Variants in CBLB observed in about 807,000 individuals in gnomAD.
CBLB encodes Cbl proto-oncogene B.
In CBLB, 31 loss-of-function variants were observed where a neutral mutation model predicts 104.9. The observed-to-expected ratio is 0.30, with a 90% CI of 0.22 to 0.40. The LOEUF is 0.40. CBLB is among the 10% of genes least tolerant of loss of function. The pLI is 1.00. For synonymous variants in CBLB, 440 were observed against 422.6 expected (o/e 1.04, Z -0.51); for missense variants, 1,062 against 1,214.6 (o/e 0.87, Z 1.87).
upstream of CBLB, chr3:105,869,245 G>A (rs1706755722): frequency 4.3e-6 from 3 of 696,308 alleles, no homozygotes; most frequent in Non-Finnish European, 7.0e-6. Flanking sequence ...AATTGGACTC[G>A]GAGAGAAATG....
intron 12 of CBLB, among the ~76,000 whole-genome samples, chr3:105,698,970 A>G (rs753372019): frequency 6.6e-5 from 10 of 152,108 alleles, no homozygotes; most frequent in Non-Finnish European, 2.9e-5. Context: ...AACTCCTTGC[A>G]TATCACAGCC....
At chr3:105,847,392 C>CA (rs1553857958) in intron 3 of CBLB, among the ~76,000 whole-genome samples, 1 of 143,436 alleles carries the variant, frequency 7.0e-6, no homozygotes, top group African/African-American at 2.6e-5. Context: ...TAACCCTCCA[C>CA]CACACACACA....
intron 3 of CBLB, among the ~76,000 whole-genome samples, chr3:105,823,257 A>G (rs2086125602): frequency 6.6e-6 from 1 of 152,186 alleles, no homozygotes; most frequent in South Asian, 2.1e-4. Context: ...TCTGACAAAT[A>G]AAACCACACA....
chr3:105,856,348 CAAAAAAAAA>C lies in CBLB; in HGVS notation c.169-2693_169-2685del, dbSNP rs1169479720. 1.0e-3 allele frequency among the ~76,000 whole-genome samples: 32 copies of C among 31,104 alleles called. No individual in the cohort carries two copies. In the South Asian group the frequency reaches 0.025, roughly 24 times the overall value. 20.4% of individuals were successfully genotyped at this position (31,104 alleles called of 152,430 possible). A position where few individuals can be genotyped will look rare whatever the true frequency, so the allele number is the denominator to read the frequency against. ...TGGACAAGAAAGCAAGACTCCATCTCAAAAAAAAAAAAAAAAAAAAGAAAAGGAAAAAAA... is the reference window on the plus strand; with the variant it reads ...TGGACAAGAAAGCAAGACTCCATCTCAAAAAAAAAAAGAAAAGGAAAAAAA... On this transcript the variant is annotated intron_variant, in intron 2 of 18. Coordinates refer to ENST00000394030, the MANE Select transcript of CBLB (RefSeq NM_170662.5).
chr3:105,717,334 A>G (rs915385236), intron 10 of CBLB, among the ~76,000 whole-genome samples: 1 of 152,184 alleles, frequency 6.6e-6, no homozygotes, highest in African/African-American at 2.4e-5. Context: ...TTGTATCTCA[A>G]ATACTTTTCT....
Position 105,772,866 on chromosome 3 carries a change from G to A in CBLB, c.566+3530C>T, listed in dbSNP as rs550287843. On this transcript the variant is annotated intron_variant, in intron 4 of 18. Coordinates refer to ENST00000394030, the MANE Select transcript of CBLB (RefSeq NM_170662.5). ...ACCATAATTAAAAACAATAGATGTT[G>A]TTAAACATCTTTAAAAACAATAGAT... 2.0e-5 allele frequency among the ~76,000 whole-genome samples: 3 copies of A among 152,250 alleles called. No individual in the cohort carries two copies. The East Asian group carries it at 5.8e-4, about 29-fold the overall frequency.
intron 3 of CBLB, among the ~76,000 whole-genome samples, chr3:105,815,300 G>A (rs1235079978): frequency 2.0e-5 from 3 of 152,124 alleles, no homozygotes; most frequent in Non-Finnish European, 4.4e-5. Context: ...CTTTTAGAAT[G>A]TAGTAGTGAA....
At chr3:105,715,945 A>T (rs187831442) in intron 10 of CBLB, among the ~76,000 whole-genome samples, 120 of 152,332 alleles carry the variant, frequency 7.9e-4, no homozygotes, top group Non-Finnish European at 4.7e-4. Context: ...AGGCTGAGAC[A>T]GAAAAATCAC....
At chr3:105,748,535 C>T (rs897965694) in intron 5 of CBLB, among the ~76,000 whole-genome samples, 3 of 152,088 alleles carry the variant, frequency 2.0e-5, no homozygotes, top group East Asian at 1.9e-4. Flanking sequence ...GGAACAACAG[C>T]CCCAGGGAGA....
At chr3:105,775,378 A>C (rs544657680) in intron 4 of CBLB, among the ~76,000 whole-genome samples, 1 of 148,678 alleles carries the variant, frequency 6.7e-6, no homozygotes, top group African/African-American at 2.5e-5. Context: ...CAAAAACAAA[A>C]ACAAAAACAA....
intron 3 of CBLB, among the ~76,000 whole-genome samples, chr3:105,786,061 C>CGGGA (rs1553794622): frequency 3.8e-5 from 3 of 79,200 alleles, no homozygotes; most frequent in African/African-American, 1.3e-4. Context: ...GTGAGAGGAT[C>CGGGA]GGGGGGGGGA....
intron 4 of CBLB, chr3:105,762,529 G>C (rs1276844127): frequency 1.3e-5 from 2 of 152,342 alleles, no homozygotes; most frequent in African/African-American, 4.8e-5. Flanking sequence ...TTTTATTTCA[G>C]AGGGTGCAAG....
intron 9 of CBLB, among the ~76,000 whole-genome samples, chr3:105,724,649 T>C (rs2073349651): frequency 6.6e-6 from 1 of 152,098 alleles, no homozygotes; most frequent in South Asian, 2.1e-4. Context: ...TTGAAAAAAC[T>C]CGTATCTCTA....
Position 105,853,601 on chromosome 3 carries a change from A to C in CBLB, c.232T>G (p.Leu78Val). 1 of 1,611,484 alleles carries C rather than the reference A, an allele frequency of 6.2e-7. No homozygotes were observed. The highest frequency in any genetic ancestry group is 8.5e-7 in the Non-Finnish European group (1 of 1,178,028). The change falls in exon 3 of 19, where the codon TTG becomes GTG. Residue 78 changes from leucine to valine, a missense_variant. Physicochemically the swap from Leu to Val is conservative, Grantham distance 32 (BLOSUM62 1). This residue lies in a region of CBLB where 457 missense variants were observed against 632.0 expected (regional missense o/e 0.72). Coordinates refer to ENST00000394030, the MANE Select transcript of CBLB (RefSeq NM_170662.5). The stretch of plus-strand genomic sequence containing the variant: ...CGTAAATGCTGATATGTATCAGGCA[A>C]AATATCAAGTATATATGGTGGGCTA... Reference protein sequence around the residue: ...KNSPPYILDILPDTYQHLRLI... With the variant: ...KNSPPYILDIVPDTYQHLRLI...
At chr3:105,785,088 T>C (rs184020733) in intron 3 of CBLB, among the ~76,000 whole-genome samples, 16 of 152,344 alleles carry the variant, frequency 1.1e-4, no homozygotes, top group African/African-American at 3.4e-4. Flanking sequence ...CCATGGTTAT[T>C]TTACATAGAT....
intron 5 of CBLB, among the ~76,000 whole-genome samples, chr3:105,747,987 C>G (rs988496474): frequency 2.0e-5 from 3 of 152,126 alleles, no homozygotes; most frequent in African/African-American, 7.2e-5. Flanking sequence ...TAGAATGAGT[C>G]TGTGTATTGT....
intron 4 of CBLB, among the ~76,000 whole-genome samples, chr3:105,759,407 C>T (rs745468960): frequency 3.3e-5 from 5 of 152,204 alleles, no homozygotes; most frequent in African/African-American, 4.8e-5. Flanking sequence ...GGTAGGGCTT[C>T]AATGGGGACC....
At chr3:105,818,868 T>TCCTATATA (rs2085428450) in intron 3 of CBLB, among the ~76,000 whole-genome samples, 1 of 151,164 alleles carries the variant, frequency 6.6e-6, no homozygotes, top group Non-Finnish European at 1.5e-5. Context: ...TATAGAAAAA[T>TCCTATATA]GAAAGTCTAG....
chr3:105,697,974 T>C (rs2068597113), intron 12 of CBLB, among the ~76,000 whole-genome samples: 3 of 152,048 alleles, frequency 2.0e-5, no homozygotes, highest in African/African-American at 4.8e-5. Flanking sequence ...ACAATAAATA[T>C]CTAGCCAACA....
Sources: gnomAD v4.1 joint callset for allele counts (sites outside exome capture counted in the v4.1 genomes callset) on GRCh38, gnomAD v4.1.1 for gene constraint, gnomAD v4.1.1 regional missense constraint, MANE v1.5 for transcripts, NCBI Gene and HGNC (gene_info 2026-07-23, HGNC 2026-07-21) for gene names.